The following NLGN1 variants were observed in gnomAD, a reference collection of about 807,000 sequenced individuals.
NLGN1 encodes the protein neuroligin-1.
In NLGN1, 12 loss-of-function variants were observed where a neutral mutation model predicts 65.5. The ratio of observed to expected loss-of-function variants is 0.18; its 90% CI spans 0.12 to 0.30. The LOEUF (loss-of-function observed/expected upper bound fraction) is 0.30. Ranked by LOEUF, NLGN1 falls within the 10% of genes least tolerant of loss-of-function variation. The pLI is 1.00. For synonymous variants in NLGN1, 350 were observed against 359.5 expected, an observed-to-expected ratio of 0.97 and a Z score of 0.30; for missense variants, 750 against 1,007.1, an observed-to-expected ratio of 0.74 and a Z score of 3.46.
In NLGN1 at chr3:173,994,905, AAGG is replaced by A. The variant is rs1446214163; in HGVS notation, c.646+187076_646+187078del. Among the ~76,000 whole-genome samples, 9 of 152,310 alleles carry A rather than the reference AAGG, an allele frequency of 5.9e-5. No individual in the cohort carries two copies. The South Asian group carries it at 1.5e-3, about 25-fold the overall frequency. On this transcript the variant is annotated intron_variant, in intron 4 of 6. Transcript: ENST00000457714. ...CTTTACCCTTGCAAAGAGGAAACATAAGGAGAAGGATGAAAGCTAATGGAGTTA... is the reference window on the plus strand; with the variant it reads ...CTTTACCCTTGCAAAGAGGAAACATAAGAAGGATGAAAGCTAATGGAGTTA...
chr3:173,404,991 A>T (rs1718349762), intron 1 of NLGN1, among the ~76,000 whole-genome samples: 2 of 152,098 alleles, frequency 1.3e-5, no homozygotes, highest in Admixed American at 6.6e-5. Flanking sequence ...ATAGATATAG[A>T]TTTTTAACAT....
At chr3:174,237,873 G>A (rs1577512777) in intron 4 of NLGN1, among the ~76,000 whole-genome samples, 1 of 152,158 alleles carries the variant, frequency 6.6e-6, no homozygotes, top group East Asian at 1.9e-4. Context: ...AAATTTTTAG[G>A]TTGTAAGTTG....
intron 4 of NLGN1, among the ~76,000 whole-genome samples, chr3:173,882,586 G>A (rs1024634433): frequency 6.6e-6 from 1 of 152,214 alleles, no homozygotes; most frequent in Non-Finnish European, 1.5e-5. Context: ...TCAACCTCAT[G>A]AATCAGTCTT....
chr3:173,950,467 A>G (rs1747977580), intron 4 of NLGN1, among the ~76,000 whole-genome samples: 1 of 152,188 alleles, frequency 6.6e-6, no homozygotes, highest in Non-Finnish European at 1.5e-5. Context: ...ACGTATGTTT[A>G]TGTGCAAAGG....
At chr3:173,923,153 A>G (rs191445209) in intron 4 of NLGN1, among the ~76,000 whole-genome samples, 3 of 152,170 alleles carry the variant, frequency 2.0e-5, no homozygotes, top group Admixed American at 1.3e-4. Flanking sequence ...TAAGTCTATG[A>G]GTCTTAAAAG....
intron 3 of NLGN1, among the ~76,000 whole-genome samples, chr3:173,697,689 G>C (rs1044975844): frequency 6.6e-6 from 1 of 151,942 alleles, no homozygotes; most frequent in African/African-American, 2.4e-5. Flanking sequence ...CACCAAGCCC[G>C]GCTAATTTTG....
chr3:173,417,986 CAG>C (rs765495189), intron 1 of NLGN1, among the ~76,000 whole-genome samples: 2 of 151,470 alleles, frequency 1.3e-5, no homozygotes, highest in Non-Finnish European at 3.0e-5. Context: ...AAGAAAAAAA[CAG>C]AATTCTGTCA....
intron 1 of NLGN1, among the ~76,000 whole-genome samples, chr3:173,420,486 A>G (rs903090088): frequency 6.6e-6 from 1 of 152,156 alleles, no homozygotes; most frequent in Non-Finnish European, 1.5e-5. Flanking sequence ...ATTGTTGGAC[A>G]TTTGGGTTGG....
At chr3:173,558,102 AT>A in intron 2 of NLGN1, among the ~76,000 whole-genome samples, 3 of 149,694 alleles carry the variant, frequency 2.0e-5, no homozygotes, top group African/African-American at 7.3e-5. Flanking sequence ...CTGATAGAAT[AT>A]CAGATGTTAT....
intron 1 of NLGN1, among the ~76,000 whole-genome samples, chr3:173,432,985 CTCTA>C (rs1269473579): frequency 1.4e-4 from 21 of 151,902 alleles, no homozygotes; most frequent in Admixed American, 2.6e-4. Flanking sequence ...CTTTATATTT[CTCTA>C]TCTTTCTATC....
chr3:173,441,236 T>G (rs949825513), intron 2 of NLGN1, among the ~76,000 whole-genome samples: 1 of 152,194 alleles, frequency 6.6e-6, no homozygotes, highest in African/African-American at 2.4e-5. Context: ...TAAAACTTTC[T>G]TCATATCAGC....
intron 4 of NLGN1, among the ~76,000 whole-genome samples, chr3:174,099,889 T>A (rs1214162552): frequency 6.6e-6 from 1 of 152,178 alleles, no homozygotes; most frequent in Non-Finnish European, 1.5e-5. Context: ...CGTCCACGTG[T>A]GGACAGGATG....
intron 2 of NLGN1, among the ~76,000 whole-genome samples, chr3:173,490,763 A>C (rs1286609149): frequency 6.6e-6 from 1 of 151,950 alleles, no homozygotes; most frequent in Non-Finnish European, 1.5e-5. Flanking sequence ...ATCCTCTTTT[A>C]TTTCATTGAG....
chr3:174,184,769 T>G (rs779553828), intron 4 of NLGN1, among the ~76,000 whole-genome samples: 1 of 152,156 alleles, frequency 6.6e-6, no homozygotes, highest in Non-Finnish European at 1.5e-5. Flanking sequence ...GAAGCTAGTT[T>G]ATAAGCTATA....
At chr3:173,681,938 A>AT (rs1194749481) in intron 3 of NLGN1, among the ~76,000 whole-genome samples, 5 of 152,196 alleles carry the variant, frequency 3.3e-5, no homozygotes, top group Non-Finnish European at 5.9e-5. Flanking sequence ...TAAACATAAT[A>AT]TTTTTAAAGG....
intron 3 of NLGN1, among the ~76,000 whole-genome samples, chr3:173,638,072 AGATAC>A (rs1189379310): frequency 6.6e-6 from 1 of 152,134 alleles, no homozygotes; most frequent in Non-Finnish European, 1.5e-5. Flanking sequence ...CTGGAACTTG[AGATAC>A]GATTTTTTTT....
intron 4 of NLGN1, among the ~76,000 whole-genome samples, chr3:174,071,270 G>T (rs952332029): frequency 5.9e-5 from 9 of 152,016 alleles, no homozygotes; most frequent in Non-Finnish European, 1.2e-4. Context: ...GAGAAATGTT[G>T]GTAGAATACT....
chr3:174,156,740 TCTGA>T (rs958475549), intron 4 of NLGN1, among the ~76,000 whole-genome samples: 1 of 151,656 alleles, frequency 6.6e-6, no homozygotes, highest in Non-Finnish European at 1.5e-5. Flanking sequence ...ATTAACAAAG[TCTGA>T]CTTTTGCCCA....
At chr3:173,641,591 C>G (rs1757432524) in intron 3 of NLGN1, among the ~76,000 whole-genome samples, 1 of 152,180 alleles carries the variant, frequency 6.6e-6, no homozygotes, top group Non-Finnish European at 1.5e-5. Flanking sequence ...GTGCCTGGCC[C>G]ATATCTGGGT....
Sources: gnomAD v4.1 joint callset for allele counts (sites outside exome capture counted in the v4.1 genomes callset) on GRCh38, gnomAD v4.1.1 for gene constraint, MANE v1.5 for transcripts, NCBI Gene and HGNC (gene_info 2026-07-23, HGNC 2026-07-21) for gene names.